The following ARL10 variants were observed in gnomAD, a reference collection of about 807,000 sequenced individuals.
ARL10 encodes ADP-ribosylation factor-like protein 10.
ARL10 carries 23 observed loss-of-function variants against 26.1 expected under a neutral mutation model. That is an observed-to-expected ratio of 0.88 (90% CI 0.63 to 1.25). The LOEUF (loss-of-function observed/expected upper bound fraction) is 1.25. Among genes scored for constraint, ARL10 ranks in the 50% most tolerant of loss-of-function variants. The probability of loss-of-function intolerance (pLI) is 0.00; values close to 1 mark genes in which losing one functional copy is unlikely to be tolerated. For synonymous variants in ARL10, 138 were observed against 149.1 expected (o/e 0.93, Z 0.54); for missense variants, 300 against 323.6 (o/e 0.93, Z 0.56).
chr5:176,402,551 T>C (rs1426644613), downstream of ARL10, among the ~76,000 whole-genome samples: 1 of 150,476 alleles, frequency 6.6e-6, no homozygotes, highest in Non-Finnish European at 1.5e-5. Context: ...CCTTGGCTTG[T>C]TTACCTGTTT....
the ARL10 span, among the ~76,000 whole-genome samples, chr5:176,407,762 T>C: frequency 6.6e-6 from 1 of 152,228 alleles, no homozygotes; most frequent in Admixed American, 6.5e-5. Flanking sequence ...CAAATCCTCA[T>C]TCTTTGACTC....
intron 1 of ARL10, chr5:176,397,880 C>T (rs1027781470): frequency 2.1e-5 from 32 of 1,538,400 alleles, no homozygotes; most frequent in Non-Finnish European, 2.9e-5. Context: ...CCCCACACTC[C>T]ACCCCACACA....
chr5:176,388,677 C>T (rs1756102252), downstream of ARL10: 1 of 1,341,374 alleles, frequency 7.5e-7, no homozygotes, highest in African/African-American at 1.5e-5. Flanking sequence ...CACTACCGTG[C>T]TGAGCACTAC....
the ARL10 span, among the ~76,000 whole-genome samples, chr5:176,413,251 C>T: frequency 6.6e-6 from 1 of 152,212 alleles, no homozygotes; most frequent in African/African-American, 2.4e-5. Flanking sequence ...GGGTTTGCTT[C>T]CCTCAGCTGC....
intron 3 of ARL10, among the ~76,000 whole-genome samples, chr5:176,369,591 G>A (rs1768467517): frequency 6.6e-6 from 1 of 152,102 alleles, no homozygotes; most frequent in Non-Finnish European, 1.5e-5. Context: ...TATAAAGTAT[G>A]GGATGCTATT....
At position 176,366,518 on chromosome 5, in the gene ARL10, C is replaced by A. The variant is rs898775768; in HGVS notation, c.322C>A (p.Pro108Thr). 31 of 1,614,018 alleles carry A rather than the reference C, an allele frequency of 1.9e-5. No individual in the cohort carries two copies. The highest frequency in any genetic ancestry group is 2.4e-5 in the Non-Finnish European group (28 of 1,180,040). Residue 108 changes from proline (P) to threonine (T), a missense_variant, in exon 2 of 4, where the codon CCC (proline) becomes ACC (threonine). Coordinates refer to ENST00000310389, the MANE Select transcript of ARL10 (RefSeq NM_173664.6). ...GAAGCCACCGCTGGAAGGCCACATC[C>A]CCACCTGGGGCTTCAACTCCGTGCG... Reference protein sequence around the residue: ...SGKPPLEGHIPTWGFNSVRLP... With the variant: ...SGKPPLEGHITTWGFNSVRLP...
At chr5:176,413,607 C>T in the ARL10 span, among the ~76,000 whole-genome samples, 1 of 152,222 alleles carries the variant, frequency 6.6e-6, no homozygotes, top group African/African-American at 2.4e-5. Context: ...GAAGGTGCCT[C>T]AGAGGTACTG....
intron 1 of ARL10, among the ~76,000 whole-genome samples, chr5:176,366,027 G>A (rs1253107865): frequency 2.6e-5 from 4 of 152,196 alleles, no homozygotes; most frequent in Admixed American, 6.5e-5. Context: ...AGTTTGGAGG[G>A]CGCGGCTCGG....
chr5:176,390,182 C>CAAAA (rs60632467), downstream of ARL10, among the ~76,000 whole-genome samples: 1,575 of 65,036 alleles, frequency 0.024, 61 homozygotes, highest in Non-Finnish European at 0.033. Context: ...AACTCCATCT[C>CAAAA]AAAAAAAAAA....
chr5:176,395,356 C>T (rs1370841534), intron 1 of ARL10, among the ~76,000 whole-genome samples: 2 of 152,342 alleles, frequency 1.3e-5, no homozygotes, highest in South Asian at 2.1e-4. Context: ...ACACTCCAGA[C>T]CATGAGCACG....
chr5:176,368,958 T>C lies in ARL10; in HGVS notation c.537T>C (p.Pro179=), dbSNP rs1280638182. The C allele has an allele frequency of 1.2e-6, 2 of 1,614,070 alleles. No individual in the cohort carries two copies. Among genetic ancestry groups the C allele is most frequent in the Non-Finnish European group, 1.7e-6 (2 of 1,180,008 alleles). ...HKLLDKDPDL[P]VVVVANKQDL... is the part of the protein sequence containing the mutation. ...TGCTGGACAAGGACCCTGACCTGCC[T>C]GTCGTCGTGGTGGCCAACAAGCAGG... The change falls in exon 3 of 4, where the codon CCT becomes CCC. Residue 179 remains proline, a synonymous_variant. Coordinates refer to ENST00000310389, the MANE Select transcript of ARL10 (RefSeq NM_173664.6). The surrounding 1 kb of genome is among the most constrained non-coding windows in gnomAD (Gnocchi z 4.1).
the ARL10 span, among the ~76,000 whole-genome samples, chr5:176,407,233 A>G: frequency 1.3e-5 from 2 of 152,186 alleles, no homozygotes; most frequent in Non-Finnish European, 2.9e-5. Flanking sequence ...GTGACTTTGC[A>G]TTCACCACTT....
chr5:176,413,619 C>T, the ARL10 span, among the ~76,000 whole-genome samples: 3 of 152,360 alleles, frequency 2.0e-5, no homozygotes, highest in Non-Finnish European at 4.4e-5. Context: ...GAGGTACTGA[C>T]TGGCGGCCGC....
downstream of ARL10, chr5:176,406,706 G>A (rs773395149): frequency 6.0e-5 from 77 of 1,286,096 alleles, no homozygotes; most frequent in South Asian, 1.4e-4. Flanking sequence ...GGTGGTGCAC[G>A]GGCTGCAGAA....
intron 3 of ARL10, 50 bp from the exon 4 acceptor site, chr5:176,371,672 T>C (rs1466109964): frequency 2.0e-6 from 3 of 1,516,530 alleles, no homozygotes; most frequent in African/African-American, 2.7e-5. Flanking sequence ...AGGGTGTCAG[T>C]GTGTTAGGAA....
In ARL10 at chr5:176,365,518, T is replaced by C; in HGVS notation, c.-46T>C. On this transcript the variant is annotated 5_prime_UTR_variant, in exon 1 of 4. Transcript: ENST00000310389. ...AGCGGGGCCATCTTCGGCGGGCGAG[T>C]GGGCTCGGCCTGTGCAACCCGCACC... 8.3e-7 allele frequency: 1 copy of C among 1,210,306 alleles called. No individual in the cohort carries two copies. Among genetic ancestry groups the C allele is most frequent in the Non-Finnish European group, 1.0e-6 (1 of 973,292 alleles). 75.0% of individuals were successfully genotyped at this position (1,210,306 alleles called of 1,614,324 possible).
At chr5:176,388,326 G>C in exon 2 of ARL10, 1 of 1,614,178 alleles carries the variant, frequency 6.2e-7, no homozygotes, top group Non-Finnish European at 8.5e-7. Flanking sequence ...GTGGTCCCAG[G>C]CATGTCGGAT....
At position 176,397,829 on chromosome 5, in the gene ARL10, C is replaced by A. The variant is rs1756620330; in HGVS notation, c.134-3912C>A. Reference sequence around the variant, plus strand: ...AGCCACAGGGCCGCACCGGCCCAGTCCCACATTAAGGCATGCAGCATCCCA... The same window carrying A: ...AGCCACAGGGCCGCACCGGCCCAGTACCACATTAAGGCATGCAGCATCCCA... On this transcript the variant is annotated intron_variant, in intron 1 of 1. Transcript: ENST00000514533. 4.8e-6 allele frequency: 7 copies of A among 1,472,822 alleles called. No individual in the cohort carries two copies. The East Asian group carries it at 1.6e-4, about 33-fold the overall frequency. 91.2% of individuals were successfully genotyped at this position (1,472,822 alleles called of 1,614,324 possible).
intron 1 of ARL10, among the ~76,000 whole-genome samples, chr5:176,397,282 C>A (rs1756569342): frequency 6.6e-6 from 1 of 151,964 alleles, no homozygotes; most frequent in Non-Finnish European, 1.5e-5. Context: ...GAGCACTGGG[C>A]AGTGTTCAGT....
Sources: gnomAD v4.1 joint callset for allele counts (sites outside exome capture counted in the v4.1 genomes callset) on GRCh38, gnomAD v4.1.1 for gene constraint, Gnocchi (gnomAD v3.1) non-coding constraint, MANE v1.5 for transcripts, NCBI Gene and HGNC (gene_info 2026-07-23, HGNC 2026-07-21) for gene names.